ADAMTSL3: variants seen among roughly 807,000 people sequenced by gnomAD.
ADAMTSL3 encodes ADAMTS-like protein 3.
In ADAMTSL3, 128 loss-of-function variants were observed where a neutral mutation model predicts 201.7. That is an observed-to-expected ratio of 0.63 (90% confidence interval 0.55 to 0.73). ADAMTSL3 has a LOEUF of 0.73. Among genes scored for constraint, ADAMTSL3 ranks in the 30% least tolerant of loss-of-function variants. ADAMTSL3 has a pLI of 0.00. For synonymous variants in ADAMTSL3, 738 were observed against 748.4 expected, an observed-to-expected ratio of 0.99 and a Z score of 0.23; for missense variants, 1,990 against 2,119.6, an observed-to-expected ratio of 0.94 and a Z score of 1.20.
At chr15:83,806,086 C>G (rs534978317) in intron 5 of ADAMTSL3, among the ~76,000 whole-genome samples, 1 of 96,080 alleles carries the variant, frequency 1.0e-5, no homozygotes, top group East Asian at 3.8e-4. Context: ...AAACTGGAGC[C>G]ACTGCTAGAG....
intron 19 of ADAMTSL3, among the ~76,000 whole-genome samples, chr15:83,964,791 C>T (rs1198724917): frequency 1.3e-5 from 2 of 152,136 alleles, no homozygotes; most frequent in East Asian, 3.8e-4. Flanking sequence ...GGGTTACCCA[C>T]AAAGGGAAGC....
In ADAMTSL3 at chr15:83,870,882, A is replaced by G. The variant is rs779960557; in HGVS notation, c.883A>G (p.Thr295Ala). 6.2e-7 allele frequency: 1 copy of G among 1,613,558 alleles called. No homozygotes were observed. Among genetic ancestry groups the G allele is most frequent in the South Asian group, 1.1e-5 (1 of 90,916 alleles). ...SPGVFLVENT[T>A]VEFQRGSERQ... is the part of the protein sequence containing the mutation. ...CGGCGTCTTTCTCGTAGAAAACACA[A>G]CAGTGGAATTTCAGAGGGGCTCCGA... is the stretch of plus-strand genomic sequence containing the variant. The change falls in exon 9 of 30, where the codon ACA (threonine) becomes GCA (alanine). Residue 295 changes from threonine (T) to alanine (A), a missense_variant. Coordinates refer to ENST00000286744, the MANE Select transcript of ADAMTSL3 (RefSeq NM_207517.3).
intron 15 of ADAMTSL3, among the ~76,000 whole-genome samples, chr15:83,908,057 T>C (rs1056579192): frequency 1.3e-5 from 2 of 152,234 alleles, no homozygotes; most frequent in East Asian, 3.9e-4. Flanking sequence ...TGCTGAAGAA[T>C]GATTTTAGCA....
At chr15:83,939,751 A>G (rs1287030943) in intron 17 of ADAMTSL3, among the ~76,000 whole-genome samples, 1 of 151,776 alleles carries the variant, frequency 6.6e-6, no homozygotes, top group Non-Finnish European at 1.5e-5. Flanking sequence ...CCTACCAAGT[A>G]GCTGGGATTA....
chr15:84,014,424 T>C (rs2068053943), intron 23 of ADAMTSL3, 118 bp from the exon 24 acceptor site: 2 of 907,046 alleles, frequency 2.2e-6, no homozygotes, highest in African/African-American at 1.7e-5. Context: ...TTTCCTATTA[T>C]ATATGATTAA....
At chr15:83,892,557 C>T (rs180790290) in intron 12 of ADAMTSL3, 127 bp from the exon 13 acceptor site, 11 of 877,746 alleles carry the variant, frequency 1.3e-5, no homozygotes, top group African/African-American at 1.0e-4. Flanking sequence ...AGTCTTATGA[C>T]TCCCAGTCCC....
At chr15:84,023,860 G>T (rs1004154407) in intron 26 of ADAMTSL3, among the ~76,000 whole-genome samples, 3 of 152,156 alleles carry the variant, frequency 2.0e-5, no homozygotes, top group Admixed American at 2.0e-4. Context: ...GAAGCCTGTG[G>T]ATACCGTCTC....
At chr15:83,872,126 AT>A (rs1171004787) in intron 9 of ADAMTSL3, among the ~76,000 whole-genome samples, 3 of 152,116 alleles carry the variant, frequency 2.0e-5, no homozygotes, top group African/African-American at 7.2e-5. Flanking sequence ...TGGATTTTGA[AT>A]AATCAACTCT....
chr15:83,714,011 A>G (rs2061966622), intron 3 of ADAMTSL3, among the ~76,000 whole-genome samples: 1 of 152,152 alleles, frequency 6.6e-6, no homozygotes, highest in South Asian at 2.1e-4. Flanking sequence ...GATGGTTGGG[A>G]AAATGGCACT....
At chr15:83,672,202 T>A (rs141449571) in intron 2 of ADAMTSL3, among the ~76,000 whole-genome samples, 1 of 152,250 alleles carries the variant, frequency 6.6e-6, no homozygotes, top group East Asian at 1.9e-4. Context: ...CATTTAGGAG[T>A]ACATTTTAAG....
intron 7 of ADAMTSL3, among the ~76,000 whole-genome samples, chr15:83,838,886 G>A (rs1384075709): frequency 6.6e-6 from 1 of 152,160 alleles, no homozygotes. Context: ...TTTAGGCTTT[G>A]CTGGCCATAT....
chr15:83,771,574 C>G (rs2062984920), intron 3 of ADAMTSL3, among the ~76,000 whole-genome samples: 1 of 152,298 alleles, frequency 6.6e-6, no homozygotes, highest in East Asian at 1.9e-4. Context: ...TTCACATAAC[C>G]TAATGTCCTC....
rs776665145 is a variant in ADAMTSL3 at position 83,982,715 on chromosome 15, A to G, written c.3087A>G (p.Thr1029=). 5.6e-6 allele frequency: 9 copies of G among 1,614,106 alleles called. No homozygotes were observed. The highest frequency in any genetic ancestry group is 1.6e-4 in the Middle Eastern group (1 of 6,062). Residue 1029 remains threonine (T), a synonymous_variant, in exon 21 of 30, where the codon ACA becomes ACG. Coordinates refer to ENST00000286744, the MANE Select transcript of ADAMTSL3 (RefSeq NM_207517.3). ...DHSEANSLGV[T]WHKMRQMWNN... is the part of the protein sequence containing the mutation. ...GCGAAGCCAATAGTTTGGGAGTCAC[A>G]TGGCACAAAATGAGGCAAATGTGGA...
In ADAMTSL3 at chr15:83,913,128, G is replaced by A. The variant is rs2065962903; in HGVS notation, c.1737G>A (p.Thr579=). The change falls in exon 16 of 30, where the codon ACG becomes ACA. Residue 579 remains threonine, a synonymous_variant. Transcript: ENST00000286744. ...IPEPWSACST[T]CGPGVQVREV... ...AACCCTGGTCAGCCTGCAGTACCAC[G>A]TGTGGGCCGGGTGTGCAGGTCCGTG... 6.2e-6 allele frequency: 10 copies of A among 1,614,110 alleles called. No individual in the cohort carries two copies. The highest frequency in any genetic ancestry group is 1.1e-5 in the South Asian group (1 of 91,082).
At chr15:83,887,870 C>G (rs1028690240) in intron 10 of ADAMTSL3, among the ~76,000 whole-genome samples, 2 of 152,212 alleles carry the variant, frequency 1.3e-5, no homozygotes, top group Non-Finnish European at 2.9e-5. Flanking sequence ...GGAGTGCAGG[C>G]GTGTGCCACC....
At chr15:83,981,474 A>G (rs1461442242) in intron 20 of ADAMTSL3, among the ~76,000 whole-genome samples, 1 of 152,222 alleles carries the variant, frequency 6.6e-6, no homozygotes, top group Admixed American at 6.5e-5. Flanking sequence ...TGCACTTGAT[A>G]TAAACAATCT....
chr15:83,908,506 G>A (rs762079545), intron 15 of ADAMTSL3, among the ~76,000 whole-genome samples: 1 of 152,090 alleles, frequency 6.6e-6, no homozygotes, highest in Non-Finnish European at 1.5e-5. Flanking sequence ...TTATTTTACA[G>A]AAAATTATTA....
At chr15:83,667,966 G>T (rs2061271741) in intron 2 of ADAMTSL3, among the ~76,000 whole-genome samples, 1 of 152,062 alleles carries the variant, frequency 6.6e-6, no homozygotes, top group South Asian at 2.1e-4. Flanking sequence ...TAGGACTCCA[G>T]AGAAAAGAAA....
rs935908083 is a variant in ADAMTSL3 at position 83,876,238 on chromosome 15, G to T, written c.960+5279G>T. ...CTAAACTCGTTTATTGGTTCCTTGC[G>T]TAATTGTTGTTTTGTTCAGACCATC... On this transcript the variant is annotated intron_variant, in intron 9 of 29. Coordinates refer to ENST00000286744, the MANE Select transcript of ADAMTSL3 (RefSeq NM_207517.3). 2.6e-5 allele frequency among the ~76,000 whole-genome samples: 4 copies of T among 152,074 alleles called. No homozygotes were observed. In the South Asian group the frequency reaches 8.3e-4, roughly 32 times the overall value.
Sources: allele counts gnomAD v4.1 joint callset (sites outside exome capture counted in the v4.1 genomes callset), GRCh38; gene constraint gnomAD v4.1.1; transcripts MANE v1.5; gene names NCBI Gene and HGNC (gene_info 2026-07-23, HGNC 2026-07-21).